The following KHDRBS2 variants were observed in gnomAD, a reference collection of about 807,000 sequenced individuals.
KHDRBS2 encodes the protein KH domain-containing, RNA-binding, signal transduction-associated protein 2.
In KHDRBS2, 26 loss-of-function variants were observed where a neutral mutation model predicts 44.3. The observed-to-expected ratio is 0.59, with a 90% confidence interval of 0.43 to 0.81. KHDRBS2 has a LOEUF of 0.81. Among genes scored for constraint, KHDRBS2 ranks in the 40% least tolerant of loss-of-function variants. KHDRBS2 has a pLI of 0.00. For missense variants in KHDRBS2, 476 were observed against 433.1 expected (o/e 1.10, Z -0.88); for synonymous variants, 194 against 151.1 (o/e 1.28, Z -2.08).
chr6:61,775,860 CT>C (rs1781894171), intron 6 of KHDRBS2, among the ~76,000 whole-genome samples: 1 of 152,104 alleles, frequency 6.6e-6, no homozygotes, highest in African/African-American at 2.4e-5. Flanking sequence ...AAGAACAAAG[CT>C]GGAGGCAACA....
At chr6:62,265,749 G>A (rs747062720) in intron 1 of KHDRBS2, among the ~76,000 whole-genome samples, 2 of 151,922 alleles carry the variant, frequency 1.3e-5, no homozygotes, top group Non-Finnish European at 2.9e-5. Flanking sequence ...TTAGCTCCCA[G>A]CAGCAAATGG....
At chr6:61,947,024 TG>T (rs1311767263) in intron 4 of KHDRBS2, among the ~76,000 whole-genome samples, 2 of 152,190 alleles carry the variant, frequency 1.3e-5, no homozygotes, top group African/African-American at 4.8e-5. Context: ...CTTTTAAAAT[TG>T]TATTCTTGTT....
intron 4 of KHDRBS2, among the ~76,000 whole-genome samples, chr6:61,957,435 C>A (rs1368214614): frequency 1.3e-5 from 2 of 152,152 alleles, no homozygotes; most frequent in Non-Finnish European, 2.9e-5. Flanking sequence ...TTGCTGAATT[C>A]TTTTTCTCAG....
the KHDRBS2 span, among the ~76,000 whole-genome samples, chr6:61,544,020 A>G: frequency 1.3e-5 from 2 of 152,088 alleles, no homozygotes; most frequent in African/African-American, 4.8e-5. Flanking sequence ...GTTGGAAACA[A>G]TGAATTAGAT....
intron 1 of KHDRBS2, among the ~76,000 whole-genome samples, chr6:62,207,968 G>T (rs1291248711): frequency 6.6e-6 from 1 of 151,870 alleles, no homozygotes; most frequent in Non-Finnish European, 1.5e-5. Context: ...GCCTTTTGTT[G>T]TACATTAGAT....
intron 1 of KHDRBS2, among the ~76,000 whole-genome samples, chr6:62,247,578 C>T (rs1482179319): frequency 3.9e-5 from 6 of 151,908 alleles, no homozygotes; most frequent in Admixed American, 2.0e-4. Context: ...CTTTTGAGGC[C>T]CAGCAAACTT....
chr6:62,225,185 T>C (rs1305707667), intron 1 of KHDRBS2, among the ~76,000 whole-genome samples: 1 of 152,202 alleles, frequency 6.6e-6, no homozygotes, highest in Non-Finnish European at 1.5e-5. Context: ...ATGTCAATAG[T>C]ACTGCACTGA....
At chr6:61,881,122 C>A (rs920404432) in intron 6 of KHDRBS2, among the ~76,000 whole-genome samples, 4 of 151,884 alleles carry the variant, frequency 2.6e-5, no homozygotes, top group African/African-American at 9.7e-5. Context: ...ATATATCATG[C>A]TCTCAGCTTA....
the KHDRBS2 span, among the ~76,000 whole-genome samples, chr6:61,570,940 T>C: frequency 6.6e-6 from 1 of 151,658 alleles, no homozygotes; most frequent in Non-Finnish European, 1.5e-5. Flanking sequence ...TACAAAACCT[T>C]AAAATACACC....
intron 8 of KHDRBS2, among the ~76,000 whole-genome samples, chr6:61,681,541 T>A (rs925165960): frequency 2.6e-5 from 4 of 151,840 alleles, no homozygotes; most frequent in African/African-American, 9.7e-5. Flanking sequence ...AGTTATATGG[T>A]CCAGGGTTGA....
the KHDRBS2 span, among the ~76,000 whole-genome samples, chr6:61,562,403 T>C: frequency 6.6e-6 from 1 of 152,190 alleles, no homozygotes; most frequent in Admixed American, 6.5e-5. Flanking sequence ...TGGTTTCATG[T>C]ATATGCTTCT....
In KHDRBS2 at chr6:61,997,578, T is replaced by A. The variant is rs569582749; in HGVS notation, c.337-19366A>T. On this transcript the variant is annotated intron_variant, in intron 3 of 8. Coordinates refer to ENST00000281156, the MANE Select transcript of KHDRBS2 (RefSeq NM_152688.4). ...GATTGTCATTGCCATCTAAGCCCAC[T>A]GATAAAATGACCTTACCTAAATTTA... 1.2e-4 allele frequency among the ~76,000 whole-genome samples: 19 copies of A among 152,318 alleles called. No individual in the cohort carries two copies. In the East Asian group the frequency reaches 3.5e-3, roughly 28 times the overall value.
At chr6:61,851,161 T>C (rs1258876835) in intron 6 of KHDRBS2, among the ~76,000 whole-genome samples, 1 of 151,968 alleles carries the variant, frequency 6.6e-6, no homozygotes. Flanking sequence ...TATTTCACTT[T>C]CTTGCCTAAA....
At chr6:62,150,302 G>GA (rs5876783) in intron 2 of KHDRBS2, among the ~76,000 whole-genome samples, 74,715 of 146,204 alleles carry the variant, frequency 0.51, 18,910 homozygotes, top group Non-Finnish European at 0.55. Context: ...AGAGATTGTG[G>GA]AAAAAAAAAA....
chr6:61,823,102 G>C (rs1363110078), intron 6 of KHDRBS2, among the ~76,000 whole-genome samples: 1 of 151,834 alleles, frequency 6.6e-6, no homozygotes, highest in Admixed American at 6.6e-5. Context: ...GTTGGTTGCT[G>C]GGTTTTACTG....
intron 2 of KHDRBS2, among the ~76,000 whole-genome samples, chr6:62,102,554 C>A (rs961484470): frequency 2.0e-5 from 3 of 152,202 alleles, no homozygotes; most frequent in Admixed American, 6.5e-5. Context: ...AGTGGGGTGG[C>A]AGGAAATGTG....
the KHDRBS2 span, among the ~76,000 whole-genome samples, chr6:61,646,394 A>G: frequency 4.6e-5 from 7 of 152,182 alleles, no homozygotes; most frequent in Non-Finnish European, 7.3e-5. Context: ...TTTCAGGGCC[A>G]TATTTCACAG....
At chr6:61,912,321 CAG>C (rs1252114636) in intron 4 of KHDRBS2, among the ~76,000 whole-genome samples, 1 of 152,054 alleles carries the variant, frequency 6.6e-6, no homozygotes, top group African/African-American at 2.4e-5. Flanking sequence ...GAAAAGAACA[CAG>C]ATTTATATTT....
chr6:61,947,545 C>T (rs544479096), intron 4 of KHDRBS2, among the ~76,000 whole-genome samples: 3 of 152,002 alleles, frequency 2.0e-5, no homozygotes, highest in Non-Finnish European at 2.9e-5. Flanking sequence ...AGGGGAAATG[C>T]AGTATCAGGT....
Sources: allele counts gnomAD v4.1 joint callset (sites outside exome capture counted in the v4.1 genomes callset), GRCh38; gene constraint gnomAD v4.1.1; transcripts MANE v1.5; gene names NCBI Gene and HGNC (gene_info 2026-07-23, HGNC 2026-07-21).